Variants in ALK observed in about 807,000 individuals in gnomAD.
ALK encodes ALK receptor tyrosine kinase, also known as ALK tyrosine kinase receptor.
A neutral mutation model predicts 163.1 loss-of-function variants in ALK; 74 were observed. The observed-to-expected ratio is 0.45, with a 90% CI of 0.38 to 0.55. ALK has a LOEUF of 0.55. Among genes scored for constraint, ALK ranks in the 20% least tolerant of loss-of-function variants. ALK has a pLI of 0.00. For missense variants in ALK, 2,063 were observed against 2,105.3 expected (o/e 0.98, Z 0.39); for synonymous variants, 960 against 843.2 (o/e 1.14, Z -2.40).
At chr2:29,605,569 T>C (rs1675520803) in intron 3 of ALK, among the ~76,000 whole-genome samples, 1 of 152,164 alleles carries the variant, frequency 6.6e-6, no homozygotes. Flanking sequence ...TTAGTGTTTT[T>C]ATAAGAAGAC....
At chr2:29,234,936 C>T (rs926837599) in intron 13 of ALK, among the ~76,000 whole-genome samples, 6 of 152,218 alleles carry the variant, frequency 3.9e-5, no homozygotes, top group East Asian at 1.9e-4. Flanking sequence ...TGGTCTTGAA[C>T]GCCTGACCTC....
At chr2:29,201,439 C>G (rs1297191817) in intron 26 of ALK, among the ~76,000 whole-genome samples, 1 of 152,150 alleles carries the variant, frequency 6.6e-6, no homozygotes, top group Non-Finnish European at 1.5e-5. Flanking sequence ...TCCGTTATCC[C>G]ACACCCCTCC....
intron 28 of ALK, among the ~76,000 whole-genome samples, chr2:29,195,577 C>CA (rs201719710): frequency 0.024 from 3,582 of 151,862 alleles, 137 homozygotes; most frequent in African/African-American, 0.082. Context: ...ACTAAAATTA[C>CA]AAAAAAAATT....
intron 2 of ALK, among the ~76,000 whole-genome samples, chr2:29,705,244 T>G (rs1483211351): frequency 4.4e-4 from 12 of 26,998 alleles, no homozygotes; most frequent in African/African-American, 2.8e-3. Flanking sequence ...AAAAGAAATA[T>G]ATATATATAT....
At chr2:29,649,794 T>C (rs778402965) in intron 3 of ALK, among the ~76,000 whole-genome samples, 1 of 152,072 alleles carries the variant, frequency 6.6e-6, no homozygotes, top group Non-Finnish European at 1.5e-5. Flanking sequence ...GTCCCTCTAT[T>C]CTCTCCTTCA....
At chr2:29,468,649 G>A (rs77412899) in intron 4 of ALK, among the ~76,000 whole-genome samples, 1 of 151,788 alleles carries the variant, frequency 6.6e-6, no homozygotes, top group African/African-American at 2.4e-5. Flanking sequence ...AGGGGTTCAG[G>A]ACCAGACTGG....
chr2:29,863,348 G>A (rs1666343339), intron 1 of ALK, among the ~76,000 whole-genome samples: 1 of 152,170 alleles, frequency 6.6e-6, no homozygotes, highest in African/African-American at 2.4e-5. Flanking sequence ...TGTGGATTGA[G>A]AGAAAATACT....
intron 9 of ALK, among the ~76,000 whole-genome samples, chr2:29,284,072 C>T (rs1237703543): frequency 6.6e-6 from 1 of 152,154 alleles, no homozygotes; most frequent in African/African-American, 2.4e-5. Flanking sequence ...AACATTGCAT[C>T]TGGACAATGA....
At chr2:29,422,562 ACT>A (rs1670040352) in intron 4 of ALK, among the ~76,000 whole-genome samples, 1 of 151,916 alleles carries the variant, frequency 6.6e-6, no homozygotes, top group African/African-American at 2.4e-5. Context: ...TGCTAGTCTG[ACT>A]CTCTATTTTC....
At chr2:29,698,353 C>A (rs1678633919) in intron 2 of ALK, among the ~76,000 whole-genome samples, 1 of 152,162 alleles carries the variant, frequency 6.6e-6, no homozygotes, top group South Asian at 2.1e-4. Flanking sequence ...AGAGGCGTAG[C>A]CATGAAATGT....
chr2:29,397,888 G>T (rs899507657), intron 4 of ALK, among the ~76,000 whole-genome samples: 3 of 152,190 alleles, frequency 2.0e-5, no homozygotes, highest in African/African-American at 7.2e-5. Flanking sequence ...GAAACTAATG[G>T]AATTTGGAAT....
At chr2:29,767,117 G>T (rs1318369549) in intron 1 of ALK, among the ~76,000 whole-genome samples, 1 of 152,210 alleles carries the variant, frequency 6.6e-6, no homozygotes, top group Non-Finnish European at 1.5e-5. Flanking sequence ...GACCTACTAT[G>T]CACCAGGCAC....
intron 1 of ALK, among the ~76,000 whole-genome samples, chr2:29,833,831 A>G (rs1042769930): frequency 6.6e-6 from 1 of 152,122 alleles, no homozygotes; most frequent in Admixed American, 6.5e-5. Flanking sequence ...AATTACAAAC[A>G]TATCTCACCA....
intron 1 of ALK, among the ~76,000 whole-genome samples, chr2:29,854,350 C>T (rs578119142): frequency 1.3e-5 from 2 of 152,242 alleles, no homozygotes; most frequent in East Asian, 1.9e-4. Context: ...AGGTGAATCC[C>T]TCGTGTCTCA....
chr2:29,684,027 A>T (rs529769513), intron 3 of ALK, among the ~76,000 whole-genome samples: 1 of 152,242 alleles, frequency 6.6e-6, no homozygotes, highest in South Asian at 2.1e-4. Flanking sequence ...TTATCTTTCC[A>T]CTCTAAGTAG....
intron 4 of ALK, among the ~76,000 whole-genome samples, chr2:29,439,550 C>T (rs1670484259): frequency 6.6e-6 from 1 of 151,982 alleles, no homozygotes; most frequent in African/African-American, 2.4e-5. Flanking sequence ...ATATTATGTC[C>T]TCCAAAAAGA....
chr2:29,428,354 C>T (rs541543376), intron 4 of ALK, among the ~76,000 whole-genome samples: 9 of 151,958 alleles, frequency 5.9e-5, no homozygotes, highest in African/African-American at 2.2e-4. Flanking sequence ...CAACAAAACT[C>T]ATAAATCTTC....
intron 9 of ALK, among the ~76,000 whole-genome samples, chr2:29,284,600 A>G (rs1448492470): frequency 6.6e-6 from 1 of 152,208 alleles, no homozygotes; most frequent in African/African-American, 2.4e-5. Context: ...AACCAAGCTC[A>G]TGGGCCGGAT....
At chr2:29,654,060 T>C (rs1266371668) in intron 3 of ALK, among the ~76,000 whole-genome samples, 1 of 152,062 alleles carries the variant, frequency 6.6e-6, no homozygotes, top group Admixed American at 6.6e-5. Flanking sequence ...TCTGTTGCAG[T>C]AACAACAATA....
Sources: allele counts gnomAD v4.1 joint callset (sites outside exome capture counted in the v4.1 genomes callset), GRCh38; gene constraint gnomAD v4.1.1; transcripts MANE v1.5; gene names NCBI Gene and HGNC (gene_info 2026-07-23, HGNC 2026-07-21).